SLC35F1: variants seen among roughly 807,000 people sequenced by gnomAD.
SLC35F1 encodes the protein solute carrier family 35 member F1, also known as chromosome 6 open reading frame 169.
SLC35F1 carries 14 observed loss-of-function variants against 48.7 expected under a neutral mutation model. That is an observed-to-expected ratio of 0.29 (90% CI 0.19 to 0.45). SLC35F1 has a LOEUF of 0.45. SLC35F1 is among the 20% of genes least tolerant of loss of function. SLC35F1 has a pLI of 1.00. For missense variants in SLC35F1, 404 were observed against 500.0 expected (o/e 0.81, Z 1.83); for synonymous variants, 190 against 202.2 (o/e 0.94, Z 0.51).
At chr6:117,919,988 G>A (rs552618720) in intron 1 of SLC35F1, among the ~76,000 whole-genome samples, 2 of 152,340 alleles carry the variant, frequency 1.3e-5, no homozygotes, top group African/African-American at 4.8e-5. Context: ...GGGATGGATA[G>A]AGCGGCTCAG....
At chr6:118,283,096 C>A (rs575102094) in intron 6 of SLC35F1, among the ~76,000 whole-genome samples, 2 of 152,330 alleles carry the variant, frequency 1.3e-5, no homozygotes, top group African/African-American at 4.8e-5. Context: ...CCATTCCCTT[C>A]CCAATTTTCC....
chr6:118,166,385 C>A (rs1407270377), intron 2 of SLC35F1, among the ~76,000 whole-genome samples: 2 of 152,156 alleles, frequency 1.3e-5, no homozygotes, highest in Non-Finnish European at 2.9e-5. Context: ...AGATTCAAAG[C>A]AGCAGGTTCT....
chr6:117,913,270 A>G (rs1775785608), intron 1 of SLC35F1, among the ~76,000 whole-genome samples: 1 of 152,220 alleles, frequency 6.6e-6, no homozygotes, highest in Non-Finnish European at 1.5e-5. Flanking sequence ...AATTTTGGGC[A>G]TGTTTCTTAA....
At chr6:118,288,198 T>C (rs548788205) in intron 7 of SLC35F1, among the ~76,000 whole-genome samples, 1 of 152,254 alleles carries the variant, frequency 6.6e-6, no homozygotes, top group South Asian at 2.1e-4. Flanking sequence ...TAAGAAATAA[T>C]AGAGAAAGCC....
intron 1 of SLC35F1, among the ~76,000 whole-genome samples, chr6:118,061,734 T>G (rs1011519029): frequency 6.6e-6 from 1 of 152,104 alleles, no homozygotes; most frequent in East Asian, 1.9e-4. Context: ...AATTTTTCAA[T>G]GGACTGGGCT....
intron 2 of SLC35F1, among the ~76,000 whole-genome samples, chr6:118,234,900 G>A (rs1307084793): frequency 6.6e-6 from 1 of 152,178 alleles, no homozygotes; most frequent in African/African-American, 2.4e-5. Flanking sequence ...AATGCAAGAT[G>A]GTGAAGATTA....
chr6:117,939,531 T>G (rs1776203080), intron 1 of SLC35F1, among the ~76,000 whole-genome samples: 1 of 152,192 alleles, frequency 6.6e-6, no homozygotes, highest in Admixed American at 6.5e-5. Flanking sequence ...CCTCAATACA[T>G]CTTTGAAATT....
At chr6:118,079,703 T>G (rs1772876690) in intron 1 of SLC35F1, among the ~76,000 whole-genome samples, 1 of 152,194 alleles carries the variant, frequency 6.6e-6, no homozygotes, top group Non-Finnish European at 1.5e-5. Flanking sequence ...GTCCTGGTGC[T>G]GGTTGAATAT....
At chr6:118,151,875 T>G (rs964763976) in intron 1 of SLC35F1, among the ~76,000 whole-genome samples, 1 of 151,924 alleles carries the variant, frequency 6.6e-6, no homozygotes, top group African/African-American at 2.4e-5. Context: ...TCTTTCTTTC[T>G]TTTTTTTATT....
rs1465476736 is a variant in SLC35F1, at chr6:117,923,610, TATACATATGTATATATACATATATGTAC to T, written c.173+15715_173+15742del. On this transcript the variant is annotated intron_variant, in intron 1 of 7. Coordinates refer to ENST00000360388, the MANE Select transcript of SLC35F1 (RefSeq NM_001029858.4). ...ATATATACATATGTGTATATATACATATACATATGTATATATACATATATGTACATATGTACATATGTACATATGTATA... is the reference window on the plus strand; with the variant it reads ...ATATATACATATGTGTATATATACATATATGTACATATGTACATATGTATA... Among the ~76,000 whole-genome samples the T allele has an allele frequency of 6.2e-4, 14 of 22,608 alleles. 6 individuals are homozygous for T. Among genetic ancestry groups the T allele is most frequent in the Non-Finnish European group, 7.6e-4 (11 of 14,404 alleles). 14.8% of individuals were successfully genotyped at this position (22,608 alleles called of 152,430 possible). A position where few individuals can be genotyped will look rare whatever the true frequency, so the allele number is the denominator to read the frequency against.
At chr6:117,955,943 G>A (rs931557375) in intron 1 of SLC35F1, among the ~76,000 whole-genome samples, 1 of 152,184 alleles carries the variant, frequency 6.6e-6, no homozygotes, top group African/African-American at 2.4e-5. Flanking sequence ...ATAACTGGAA[G>A]TTCATCTTCC....
At chr6:118,159,016 C>T (rs925101032) in intron 2 of SLC35F1, among the ~76,000 whole-genome samples, 1 of 151,554 alleles carries the variant, frequency 6.6e-6, no homozygotes, top group Non-Finnish European at 1.5e-5. Flanking sequence ...GTCAGAAGAT[C>T]GAGATCATCC....
intron 1 of SLC35F1, among the ~76,000 whole-genome samples, chr6:118,104,229 G>C (rs1338389742): frequency 6.6e-6 from 1 of 150,702 alleles, no homozygotes; most frequent in Non-Finnish European, 1.5e-5. Context: ...ACTCCAATGG[G>C]CTACTTAGAG....
chr6:117,955,366 T>C (rs191900041), intron 1 of SLC35F1, among the ~76,000 whole-genome samples: 219 of 152,360 alleles, frequency 1.4e-3, no homozygotes, highest in Middle Eastern at 3.4e-3. Flanking sequence ...TATTGTTCAA[T>C]GCGTGGTCTG....
chr6:118,109,418 C>T (rs1325145955), intron 1 of SLC35F1, among the ~76,000 whole-genome samples: 2 of 152,148 alleles, frequency 1.3e-5, no homozygotes, highest in Non-Finnish European at 2.9e-5. Flanking sequence ...TTATTCTTTC[C>T]CATGCTGGAG....
chr6:117,933,756 C>A (rs929599190), intron 1 of SLC35F1, among the ~76,000 whole-genome samples: 2 of 152,092 alleles, frequency 1.3e-5, no homozygotes, highest in Non-Finnish European at 2.9e-5. Context: ...CTTGTGATAA[C>A]AAAGTGAAAA....
intron 1 of SLC35F1, among the ~76,000 whole-genome samples, chr6:118,075,938 G>C (rs1449580093): frequency 6.6e-6 from 1 of 152,102 alleles, no homozygotes; most frequent in African/African-American, 2.4e-5. Context: ...ATAATGCTCA[G>C]CCTTTGTTTC....
At chr6:118,066,812 C>G (rs1329369696) in intron 1 of SLC35F1, among the ~76,000 whole-genome samples, 2 of 144,622 alleles carry the variant, frequency 1.4e-5, no homozygotes, top group Non-Finnish European at 3.0e-5. Flanking sequence ...ATGGCGCGAT[C>G]TCGGCTAAGG....
At chr6:118,085,419 C>T (rs191349949) in intron 1 of SLC35F1, among the ~76,000 whole-genome samples, 14 of 148,976 alleles carry the variant, frequency 9.4e-5, no homozygotes. Context: ...CCTATGTCAA[C>T]TAGTTACAGA....
Sources: gnomAD v4.1 joint callset for allele counts (sites outside exome capture counted in the v4.1 genomes callset) on GRCh38, gnomAD v4.1.1 for gene constraint, MANE v1.5 for transcripts, NCBI Gene and HGNC (gene_info 2026-07-23, HGNC 2026-07-21) for gene names.